The following HS2ST1 variants were observed in gnomAD, a reference collection of about 807,000 sequenced individuals.
HS2ST1 encodes the protein heparan sulfate 2-O-sulfotransferase 1, also known as 2-O-sulfotransferase.
A neutral mutation model predicts 42.9 loss-of-function variants in HS2ST1; 18 were observed. That is an observed-to-expected ratio of 0.42 (90% CI 0.29 to 0.62). The LOEUF (loss-of-function observed/expected upper bound fraction) is 0.62, where lower values mean the gene tolerates loss of function less well. Among genes scored for constraint, HS2ST1 ranks in the 20% least tolerant of loss-of-function variants. The pLI is 0.21. For synonymous variants in HS2ST1, 146 were observed against 152.9 expected, an observed-to-expected ratio of 0.95 and a Z score of 0.33; for missense variants, 334 against 433.8, an observed-to-expected ratio of 0.77 and a Z score of 2.04.
At chr1:86,934,861 G>A (rs966674297) in intron 1 of HS2ST1, 1 of 145,060 alleles carries the variant, frequency 6.9e-6, no homozygotes. Context: ...CTGGGAGGCG[G>A]AGCTTGCAGT....
chr1:87,087,915 G>A (rs371957871), intron 3 of HS2ST1, among the ~76,000 whole-genome samples: 5 of 152,010 alleles, frequency 3.3e-5, no homozygotes, highest in Admixed American at 3.3e-4. Context: ...TAGACTCCTT[G>A]CTAGCTGTGT....
intron 1 of HS2ST1, chr1:86,993,063 C>A: frequency 6.3e-7 from 1 of 1,588,110 alleles, no homozygotes; most frequent in South Asian, 1.1e-5. Flanking sequence ...AGGGGAAGGT[C>A]ACCAAGTCTT....
intron 4 of HS2ST1, among the ~76,000 whole-genome samples, chr1:87,096,328 ACAT>A (rs1234658802): frequency 6.6e-6 from 1 of 152,152 alleles, no homozygotes; most frequent in Non-Finnish European, 1.5e-5. Context: ...TAATTTTGAA[ACAT>A]CATACATTGG....
chr1:86,926,989 A>C (rs1468778749), intron 1 of HS2ST1, among the ~76,000 whole-genome samples: 10 of 152,196 alleles, frequency 6.6e-5, no homozygotes, highest in African/African-American at 2.4e-4. Context: ...GATACAGCTG[A>C]GTCTAAGAGG....
intron 2 of HS2ST1, among the ~76,000 whole-genome samples, chr1:87,074,404 G>T (rs979432123): frequency 6.6e-6 from 1 of 152,120 alleles, no homozygotes; most frequent in Non-Finnish European, 1.5e-5. Flanking sequence ...TTCAAAATAT[G>T]CTTTGGTTTA....
At chr1:87,065,243 A>T (rs963419831) in intron 1 of HS2ST1, among the ~76,000 whole-genome samples, 1 of 152,196 alleles carries the variant, frequency 6.6e-6, no homozygotes, top group African/African-American at 2.4e-5. Context: ...ACAGCTCAAG[A>T]TTCATTCCTA....
intron 4 of HS2ST1, among the ~76,000 whole-genome samples, chr1:87,094,069 A>G (rs192278106): frequency 1.3e-5 from 2 of 152,198 alleles, no homozygotes; most frequent in African/African-American, 4.8e-5. Context: ...ATGACTTACT[A>G]CTTTAGAATT....
chr1:87,032,505 A>G (rs184831161), intron 1 of HS2ST1, among the ~76,000 whole-genome samples: 5 of 152,292 alleles, frequency 3.3e-5, no homozygotes, highest in Admixed American at 6.5e-5. Flanking sequence ...ATTTCTCTCA[A>G]TACGTTTGAA....
At chr1:86,919,043 T>G (rs891631208) in intron 1 of HS2ST1, among the ~76,000 whole-genome samples, 1 of 151,804 alleles carries the variant, frequency 6.6e-6, no homozygotes, top group Admixed American at 6.6e-5. Flanking sequence ...GTGGCACGAT[T>G]TCGGCTCACT....
intron 1 of HS2ST1, among the ~76,000 whole-genome samples, chr1:86,931,739 A>G (rs1194103747): frequency 6.6e-6 from 1 of 152,094 alleles, no homozygotes; most frequent in Non-Finnish European, 1.5e-5. Flanking sequence ...ACCTTATATA[A>G]TGATTGTTGA....
intron 1 of HS2ST1, among the ~76,000 whole-genome samples, chr1:86,960,575 C>G (rs1056874614): frequency 6.6e-6 from 1 of 152,046 alleles, no homozygotes; most frequent in African/African-American, 2.4e-5. Flanking sequence ...TTCAGAGAAC[C>G]CTTATAACTC....
intron 1 of HS2ST1, among the ~76,000 whole-genome samples, chr1:86,941,205 C>T (rs943148402): frequency 6.6e-6 from 1 of 152,164 alleles, no homozygotes; most frequent in Non-Finnish European, 1.5e-5. Context: ...TGGAGACCCT[C>T]CTACTCTGTC....
intron 1 of HS2ST1, among the ~76,000 whole-genome samples, chr1:86,918,924 T>C (rs1570420247): frequency 6.6e-6 from 1 of 151,124 alleles, no homozygotes; most frequent in South Asian, 2.1e-4. Flanking sequence ...TTAGAATTAG[T>C]AATCCTTTAT....
intron 1 of HS2ST1, among the ~76,000 whole-genome samples, chr1:86,969,475 G>A (rs563191897): frequency 4.6e-5 from 7 of 152,222 alleles, no homozygotes; most frequent in Admixed American, 3.3e-4. Context: ...TCATTTCAGC[G>A]TGAAGGTTGG....
intron 1 of HS2ST1, among the ~76,000 whole-genome samples, chr1:87,057,586 A>G (rs1651002389): frequency 6.8e-6 from 1 of 146,458 alleles, no homozygotes; most frequent in Admixed American, 6.9e-5. Flanking sequence ...TTTTTTAAAG[A>G]CAAAGTCTCA....
At chr1:86,960,349 G>A (rs1436310318) in intron 1 of HS2ST1, among the ~76,000 whole-genome samples, 2 of 151,982 alleles carry the variant, frequency 1.3e-5, no homozygotes, top group African/African-American at 2.4e-5. Flanking sequence ...GATAATAAAG[G>A]AGAAAATCTG....
chr1:86,968,846 ACT>A (rs540423371), intron 1 of HS2ST1, among the ~76,000 whole-genome samples: 93 of 152,178 alleles, frequency 6.1e-4, no homozygotes, highest in African/African-American at 2.1e-3. Flanking sequence ...TGGGAATTTA[ACT>A]CTGTTAAAAA....
chr1:86,977,561 A>G, intron 1 of HS2ST1, among the ~76,000 whole-genome samples: 1 of 152,232 alleles, frequency 6.6e-6, no homozygotes, highest in East Asian at 1.9e-4. Context: ...TTTCTTGGTC[A>G]TCTGAGCATA....
intron 3 of HS2ST1, 63 bp from the exon 4 acceptor site, chr1:87,092,468 T>C (rs1651969880): frequency 3.1e-5 from 35 of 1,134,872 alleles, no homozygotes; most frequent in Non-Finnish European, 4.0e-5. Context: ...ACATGTAATT[T>C]CAGGGCACTC....
Sources: allele counts gnomAD v4.1 joint callset (sites outside exome capture counted in the v4.1 genomes callset), GRCh38; gene constraint gnomAD v4.1.1; transcripts MANE v1.5; gene names NCBI Gene and HGNC (gene_info 2026-07-23, HGNC 2026-07-21).